SRPX: variants seen among roughly 807,000 people sequenced by gnomAD.
SRPX encodes the protein sushi repeat-containing protein SRPX.
Under a neutral mutation model 38.1 loss-of-function variants are expected in SRPX, and 24 were observed. That is an observed-to-expected ratio of 0.63 (90% CI 0.46 to 0.89). SRPX has a LOEUF of 0.89. Among genes scored for constraint, SRPX ranks in the 40% least tolerant of loss-of-function variants. The probability of loss-of-function intolerance (pLI) is 0.00; values close to 1 mark genes in which losing one functional copy is unlikely to be tolerated. For synonymous variants in SRPX, 184 were observed against 153.8 expected (o/e 1.20, Z -1.45); for missense variants, 416 against 377.8 (o/e 1.10, Z -0.84).
chrX:38,161,245 A>G (rs188698615), intron 5 of SRPX, among the ~76,000 whole-genome samples, 191 bp from the exon 6 acceptor site: 1 of 111,308 alleles, frequency 9.0e-6, no homozygotes, highest in Admixed American at 9.5e-5. Flanking sequence ...GTTTGTGACC[A>G]GAAAATGGAA....
intron 1 of SRPX, among the ~76,000 whole-genome samples, chrX:38,189,539 C>A (rs946636717): frequency 2.7e-5 from 3 of 111,684 alleles, no homozygotes; most frequent in Non-Finnish European, 5.6e-5. Context: ...TATAGGAGAA[C>A]AAGGATTGAA....
intron 8 of SRPX, among the ~76,000 whole-genome samples, chrX:38,155,946 G>A (rs1027192140): frequency 8.9e-6 from 1 of 112,045 alleles, no homozygotes; most frequent in African/African-American, 3.2e-5. Flanking sequence ...GAGTTCATAG[G>A]CAATTCTTCA....
intron 4 of SRPX, among the ~76,000 whole-genome samples, chrX:38,166,349 G>A (rs1370665479): frequency 8.9e-6 from 1 of 111,953 alleles, no homozygotes; most frequent in Non-Finnish European, 1.9e-5. Flanking sequence ...GTGCTTCAGT[G>A]GAGTGTGAAC....
intron 1 of SRPX, among the ~76,000 whole-genome samples, chrX:38,192,134 C>T (rs889573642): frequency 4.5e-5 from 5 of 111,958 alleles, no homozygotes; most frequent in African/African-American, 1.6e-4. Context: ...AGAGGCACAG[C>T]GTGGCTTGTA....
chrX:38,171,783 A>G (rs1039284072), intron 4 of SRPX, 98 bp downstream of exon 4: 7 of 907,020 alleles, frequency 7.7e-6, no homozygotes, highest in Non-Finnish European at 3.1e-6. Context: ...CTTAGGCCTT[A>G]CAGGAGGAAT....
At chrX:38,216,583 A>G (rs897196883) in intron 1 of SRPX, among the ~76,000 whole-genome samples, 15 of 112,561 alleles carry the variant, frequency 1.3e-4, no homozygotes, top group African/African-American at 4.8e-4. Context: ...GAAACTCCCT[A>G]TGAATTGGAA....
intron 1 of SRPX, among the ~76,000 whole-genome samples, chrX:38,203,734 G>T (rs773095496): frequency 8.9e-6 from 1 of 112,226 alleles, no homozygotes; most frequent in Admixed American, 9.4e-5. Context: ...TGCCGAGATT[G>T]TGCCACTGCA....
chrX:38,151,420 G>A (rs1938011844), intron 9 of SRPX, among the ~76,000 whole-genome samples: 1 of 111,967 alleles, frequency 8.9e-6, no homozygotes, highest in East Asian at 2.8e-4. Flanking sequence ...AGAGGAATAG[G>A]GAATGTGGTG....
chrX:38,204,067 A>T (rs1939168030), intron 1 of SRPX, among the ~76,000 whole-genome samples: 1 of 112,289 alleles, frequency 8.9e-6, no homozygotes, highest in Admixed American at 9.5e-5. Flanking sequence ...AAAACTAAAA[A>T]ATGTTTGTGA....
chrX:38,196,411 TTAAG>T (rs1844285857), intron 1 of SRPX, among the ~76,000 whole-genome samples: 1 of 112,612 alleles, frequency 8.9e-6, no homozygotes, highest in Admixed American at 9.4e-5. Flanking sequence ...GGAACAATAT[TTAAG>T]TATGATGCCC....
At chrX:38,158,242 A>C (rs1219948231) in intron 7 of SRPX, among the ~76,000 whole-genome samples, 1 of 112,008 alleles carries the variant, frequency 8.9e-6, no homozygotes, top group Non-Finnish European at 1.9e-5. Context: ...ACAGGCAAAC[A>C]GGACATGGGA....
chrX:38,176,145 GTCTC>G (rs774829451), intron 2 of SRPX, among the ~76,000 whole-genome samples: 17 of 111,374 alleles, frequency 1.5e-4, no homozygotes, highest in Non-Finnish European at 3.2e-4. Flanking sequence ...TGAATGTACT[GTCTC>G]TCTCTCAAAA....
chrX:38,202,231 G>A (rs1319586539), intron 1 of SRPX, among the ~76,000 whole-genome samples: 2 of 111,584 alleles, frequency 1.8e-5, no homozygotes, highest in Non-Finnish European at 3.8e-5. Flanking sequence ...TGTCTTTCTT[G>A]GTCTTCCCCT....
intron 1 of SRPX, among the ~76,000 whole-genome samples, chrX:38,218,850 G>A (rs747981516): frequency 2.3e-3 from 259 of 111,798 alleles, no homozygotes; most frequent in Non-Finnish European, 4.0e-3. Context: ...CAACCTCAGC[G>A]GAGCACACTT....
chrX:38,204,371 A>G (rs1326098771), intron 1 of SRPX, among the ~76,000 whole-genome samples: 4 of 112,762 alleles, frequency 3.5e-5, no homozygotes. Flanking sequence ...TTAGTGAAGA[A>G]ATAAGCACAT....
chrX:38,160,871 A>G (rs1602440180), intron 6 of SRPX, 62 bp downstream of exon 6: 2 of 1,169,816 alleles, frequency 1.7e-6, no homozygotes, highest in African/African-American at 3.5e-5. Flanking sequence ...TGGCTTGAGG[A>G]CCTACTTCCC....
intron 1 of SRPX, among the ~76,000 whole-genome samples, chrX:38,208,338 A>G (rs1457734213): frequency 9.0e-6 from 1 of 111,447 alleles, no homozygotes; most frequent in Non-Finnish European, 1.9e-5. Flanking sequence ...GCTACCCCAT[A>G]AAGACAACTG....
chrX:38,156,575 C>T (rs1345927265), intron 8 of SRPX, among the ~76,000 whole-genome samples: 1 of 112,280 alleles, frequency 8.9e-6, no homozygotes, highest in Non-Finnish European at 1.9e-5. Context: ...CAATTGATTG[C>T]TTCCAGCCAG....
At chrX:38,171,224 T>C (rs1938461072) in intron 4 of SRPX, among the ~76,000 whole-genome samples, 1 of 111,448 alleles carries the variant, frequency 9.0e-6, no homozygotes. Flanking sequence ...AGCAGTGCCT[T>C]AGATCAGTAG....
Sources: gnomAD v4.1 joint callset for allele counts (sites outside exome capture counted in the v4.1 genomes callset) on GRCh38, gnomAD v4.1.1 for gene constraint, MANE v1.5 for transcripts, NCBI Gene and HGNC (gene_info 2026-07-23, HGNC 2026-07-21) for gene names.